The following A1CF variants were observed in gnomAD, a reference collection of about 807,000 sequenced individuals.
The protein encoded by A1CF is APOBEC1 complementation factor, also known as APOBEC-1 stimulating protein.
In A1CF, 48 loss-of-function variants were observed where a neutral mutation model predicts 68.9. That is an observed-to-expected ratio of 0.70 (90% CI 0.55 to 0.89). The LOEUF (loss-of-function observed/expected upper bound fraction) is 0.89. Ranked by LOEUF, A1CF falls within the 40% of genes least tolerant of loss-of-function variation. The pLI is 0.00. For synonymous variants in A1CF, 272 were observed against 260.4 expected (o/e 1.04, Z -0.43); for missense variants, 653 against 718.9 (o/e 0.91, Z 1.05).
rs1837792608 is a variant in A1CF, at chr10:50,805,861, G to T, written c.*868C>A. Reference sequence around the variant, plus strand: ...ATCATAAATGATATTCTGTATATCTGATTTACTTTTTTATGATATTAGGTA... The same window carrying T: ...ATCATAAATGATATTCTGTATATCTTATTTACTTTTTTATGATATTAGGTA... On this transcript the variant is annotated 3_prime_UTR_variant, in exon 13 of 13. Coordinates refer to ENST00000373997, the MANE Select transcript of A1CF (RefSeq NM_014576.4). The T allele has an allele frequency of 6.6e-6, 1 of 152,134 alleles. No individual in the cohort carries two copies. The highest frequency in any genetic ancestry group is 1.5e-5 in the Non-Finnish European group (1 of 68,012). The allele number at this position is 152,134 out of a possible 1,614,324, so 9.4% of individuals were successfully genotyped here.
At chr10:50,877,448 C>T (rs901130498) in intron 1 of A1CF, among the ~76,000 whole-genome samples, 1 of 152,278 alleles carries the variant, frequency 6.6e-6, no homozygotes, top group Admixed American at 6.5e-5. Context: ...TCAATTTTCA[C>T]CAAGTCTGCC....
At chr10:50,876,635 G>A (rs569674134) in intron 1 of A1CF, among the ~76,000 whole-genome samples, 2 of 152,224 alleles carry the variant, frequency 1.3e-5, no homozygotes, top group Admixed American at 1.3e-4. Flanking sequence ...TCTCTAACCT[G>A]ATGGCTTCTG....
intron 12 of A1CF, among the ~76,000 whole-genome samples, chr10:50,807,992 G>A (rs1837915440): frequency 6.6e-6 from 1 of 152,210 alleles, no homozygotes; most frequent in African/African-American, 2.4e-5. Context: ...ATGCACTAGT[G>A]AAGTTTGGTC....
rs555923603 is a variant in A1CF, at chr10:50,867,701, G to T, written c.-93-3621C>A. Among the ~76,000 whole-genome samples, 167 of 152,262 alleles carry T rather than the reference G, an allele frequency of 1.1e-3. 1 individual carries two copies. Among genetic ancestry groups the T allele is most frequent in the African/African-American group, 3.9e-3 (161 of 41,560 alleles). ...TATACAAACAAAAGAAATGGTCATTGTGAATGACAGGCAGAGAGGAACAGA... is the reference window on the plus strand; with the variant it reads ...TATACAAACAAAAGAAATGGTCATTTTGAATGACAGGCAGAGAGGAACAGA... On this transcript the variant is annotated intron_variant, in intron 1 of 12. Coordinates refer to ENST00000373997, the MANE Select transcript of A1CF (RefSeq NM_014576.4).
At chr10:50,813,356 A>G (rs1308563301) in intron 10 of A1CF, among the ~76,000 whole-genome samples, 1 of 152,212 alleles carries the variant, frequency 6.6e-6, no homozygotes, top group African/African-American at 2.4e-5. Flanking sequence ...ATAACTATGG[A>G]GGAAGAGTTA....
intron 3 of A1CF, among the ~76,000 whole-genome samples, chr10:50,851,767 G>C (rs1467069227): frequency 1.3e-5 from 2 of 152,206 alleles, no homozygotes; most frequent in Non-Finnish European, 2.9e-5. Flanking sequence ...ATATGGGATT[G>C]GATGTTATTT....
Position 50,814,052 on chromosome 10 carries a change from C to T in A1CF, c.1142-14G>A, listed in dbSNP as rs1250432490. On this transcript the variant is annotated splice_polypyrimidine_tract_variant and intron_variant, in intron 9 of 12. Transcript: ENST00000373997. Reference sequence around the variant, plus strand: ...CTCCCGCAGCCCCTACAGGTACATTCATGTAAATTTCTAGGAACGTAAGAA... The same window carrying T: ...CTCCCGCAGCCCCTACAGGTACATTTATGTAAATTTCTAGGAACGTAAGAA... The T allele has an allele frequency of 6.2e-7, 1 of 1,612,808 alleles. No individual in the cohort carries two copies.
At chr10:50,855,489 G>A (rs2132509616) in intron 3 of A1CF, among the ~76,000 whole-genome samples, 1 of 152,002 alleles carries the variant, frequency 6.6e-6, no homozygotes, top group African/African-American at 2.4e-5. Context: ...CATACTATAT[G>A]TGGGGTACTA....
chr10:50,881,550 T>C (rs1841774383), intron 1 of A1CF, among the ~76,000 whole-genome samples: 1 of 152,222 alleles, frequency 6.6e-6, no homozygotes, highest in Admixed American at 6.5e-5. Context: ...AACTAGAATA[T>C]CCTATGGAAA....
intron 5 of A1CF, among the ~76,000 whole-genome samples, 193 bp downstream of exon 5, chr10:50,841,669 A>G (rs1166510171): frequency 2.0e-5 from 3 of 152,196 alleles, no homozygotes; most frequent in African/African-American, 7.2e-5. Context: ...CATAGAACTT[A>G]GTTTGGTATT....
chr10:50,873,992 A>G (rs904580921), intron 1 of A1CF, among the ~76,000 whole-genome samples: 4 of 152,004 alleles, frequency 2.6e-5, no homozygotes, highest in African/African-American at 9.7e-5. Flanking sequence ...ATATATGTAT[A>G]TATCTGTGTA....
rs1445981373 is a variant in A1CF, at chr10:50,800,469, A to T, written c.*6260T>A. On this transcript the variant is annotated 3_prime_UTR_variant, in exon 13 of 13. Transcript: ENST00000373997. ...TTATTTTCAGAATTCTAAGTGGCAA[A>T]ACCTATCAGGTGTTGCAATTATATT... 6.6e-6 allele frequency: 1 copy of T among 152,146 alleles called. No individual in the cohort carries two copies. The highest frequency in any genetic ancestry group is 2.4e-5 in the African/African-American group (1 of 41,446). 9.4% of individuals were successfully genotyped at this position (152,146 alleles called of 1,614,324 possible).
chr10:50,839,852 A>G (rs73326776), intron 5 of A1CF, among the ~76,000 whole-genome samples: 7,579 of 152,104 alleles, frequency 0.05, 617 homozygotes, highest in African/African-American at 0.17. Context: ...AGGTTCAAGC[A>G]ATTCTCCTGC....
chr10:50,837,538 G>T (rs958432348), intron 5 of A1CF, among the ~76,000 whole-genome samples: 1 of 152,212 alleles, frequency 6.6e-6, no homozygotes, highest in African/African-American at 2.4e-5. Flanking sequence ...AATTGGAAAT[G>T]AGCAAAATAC....
At chr10:50,873,866 T>G (rs1298582010) in intron 1 of A1CF, among the ~76,000 whole-genome samples, 2 of 152,060 alleles carry the variant, frequency 1.3e-5, no homozygotes, top group Admixed American at 1.3e-4. Context: ...AGAAAAACTA[T>G]ATCAGAGAAA....
Position 50,804,356 on chromosome 10 carries a change from C to T in A1CF, c.*2373G>A, listed in dbSNP as rs1450931961. On this transcript the variant is annotated 3_prime_UTR_variant, in exon 13 of 13. Coordinates refer to ENST00000373997, the MANE Select transcript of A1CF (RefSeq NM_014576.4). ...AGATTCATGTATTAACTAATCTTTT[C>T]ATTGCGATTAAATTTAAAACTTCTC... The T allele has an allele frequency of 6.6e-6, 1 of 152,140 alleles. No homozygotes were observed. Among genetic ancestry groups the T allele is most frequent in the East Asian group, 1.9e-4 (1 of 5,196 alleles). The allele number at this position is 152,140 out of a possible 1,614,324, so 9.4% of individuals were successfully genotyped here. A position where few individuals can be genotyped will look rare whatever the true frequency, so the allele number is the denominator to read the frequency against.
intron 3 of A1CF, among the ~76,000 whole-genome samples, chr10:50,846,941 G>T (rs1840028212): frequency 6.6e-6 from 1 of 152,156 alleles, no homozygotes. Context: ...TACCAGTAAT[G>T]GAAGTTCAGA....
rs375211022 is a variant in A1CF at position 50,800,010 on chromosome 10, G to A, written c.*6719C>T. 12 of 152,072 alleles carry A rather than the reference G, an allele frequency of 7.9e-5. 1 individual carries two copies. The East Asian group carries it at 2.1e-3, about 27-fold the overall frequency. 9.4% of individuals were successfully genotyped at this position (152,072 alleles called of 1,614,324 possible). On this transcript the variant is annotated 3_prime_UTR_variant, in exon 13 of 13. Coordinates refer to ENST00000373997, the MANE Select transcript of A1CF (RefSeq NM_014576.4). The stretch of plus-strand genomic sequence containing the variant: ...ATATCTTAGGAATTATAAAGAAAAT[G>A]CCAAGTTTCAAAATAAAATTTACAT...
At chr10:50,866,498 C>A (rs2132556674) in intron 1 of A1CF, among the ~76,000 whole-genome samples, 1 of 152,266 alleles carries the variant, frequency 6.6e-6, no homozygotes, top group Non-Finnish European at 1.5e-5. Context: ...CAGTTCCCGA[C>A]CCTGTTGGCC....
Sources: allele counts gnomAD v4.1 joint callset (sites outside exome capture counted in the v4.1 genomes callset), GRCh38; gene constraint gnomAD v4.1.1; transcripts MANE v1.5; gene names NCBI Gene and HGNC (gene_info 2026-07-23, HGNC 2026-07-21).